Variants in GRB10 observed in about 807,000 individuals in gnomAD.
GRB10 encodes the protein growth factor receptor bound protein 10, also known as growth factor receptor-bound protein 10.
Under a neutral mutation model 80.9 loss-of-function variants are expected in GRB10, and 20 were observed. That is an observed-to-expected ratio of 0.25 (90% CI 0.17 to 0.36). The LOEUF (loss-of-function observed/expected upper bound fraction) is 0.36. Ranked by LOEUF, GRB10 falls within the 10% of genes least tolerant of loss-of-function variation. The pLI is 1.00. For missense variants in GRB10, 548 were observed against 747.7 expected (o/e 0.73, Z 3.12); for synonymous variants, 291 against 291.5 (o/e 1.00, Z 0.02).
intron 3 of GRB10, among the ~76,000 whole-genome samples, chr7:50,737,857 AC>A (rs1212867613): frequency 1.3e-5 from 2 of 152,230 alleles, no homozygotes; most frequent in Non-Finnish European, 2.9e-5. Context: ...TCAAAAACAA[AC>A]AAACAAACAA....
At chr7:50,667,783 C>T (rs1486583635) in intron 7 of GRB10, among the ~76,000 whole-genome samples, 1 of 152,154 alleles carries the variant, frequency 6.6e-6, no homozygotes, top group Non-Finnish European at 1.5e-5. Context: ...GACACCAATG[C>T]CACGTTCTCA....
chr7:50,787,090 A>C (rs1442213086), upstream of GRB10, among the ~76,000 whole-genome samples: 1 of 152,252 alleles, frequency 6.6e-6, no homozygotes, highest in African/African-American at 2.4e-5. Flanking sequence ...TACATGGCTC[A>C]GCTATGAGCA....
At chr7:50,675,645 G>A (rs182829108) in intron 5 of GRB10, among the ~76,000 whole-genome samples, 1 of 152,286 alleles carries the variant, frequency 6.6e-6, no homozygotes, top group African/African-American at 2.4e-5. Context: ...CCCTTCCCTG[G>A]ATGTCCAGCC....
At chr7:50,759,370 T>A (rs1355322702) in intron 2 of GRB10, among the ~76,000 whole-genome samples, 6 of 151,924 alleles carry the variant, frequency 3.9e-5, no homozygotes, top group African/African-American at 7.3e-5. Context: ...ACAGAAACCA[T>A]CCCACCTCAC....
At chr7:50,617,964 G>C (rs2050963524) in intron 10 of GRB10, 107 bp downstream of exon 10, 1 of 941,242 alleles carries the variant, frequency 1.1e-6, no homozygotes, top group Non-Finnish European at 1.7e-6. Context: ...GGTTATAAAT[G>C]GTGAAAGATG....
intron 14 of GRB10, 112 bp from the exon 15 acceptor site, chr7:50,605,518 T>C: frequency 5.6e-6 from 5 of 897,442 alleles, no homozygotes; most frequent in Non-Finnish European, 9.3e-6. Context: ...AATGCCTGCT[T>C]TCTACCTCTG....
At chr7:50,730,210 C>T (rs2069430575) in intron 4 of GRB10, among the ~76,000 whole-genome samples, 1 of 152,152 alleles carries the variant, frequency 6.6e-6, no homozygotes, top group African/African-American at 2.4e-5. Context: ...CCAACTGCTG[C>T]CCTCCAACAG....
intron 4 of GRB10, among the ~76,000 whole-genome samples, chr7:50,728,820 G>A (rs749348777): frequency 2.0e-5 from 3 of 152,070 alleles, no homozygotes; most frequent in South Asian, 2.1e-4. Flanking sequence ...ACAGGTGTGC[G>A]CCACCACGCC....
intron 2 of GRB10, among the ~76,000 whole-genome samples, chr7:50,763,113 G>A (rs558355042): frequency 1.2e-4 from 17 of 144,962 alleles, no homozygotes; most frequent in South Asian, 4.3e-4. Context: ...GCAAGACTCC[G>A]TCTCCAAAAA....
rs1377876461 is a variant in GRB10 at position 50,676,334 on chromosome 7, CCGG to C, written c.140-1679_140-1677del. Among the ~76,000 whole-genome samples, 3 of 46,662 alleles carry C rather than the reference CCGG, an allele frequency of 6.4e-5. No individual in the cohort carries two copies. The Admixed American group carries it at 6.6e-4, about 10-fold the overall frequency. 30.6% of individuals were successfully genotyped at this position (46,662 alleles called of 152,430 possible). A position where few individuals can be genotyped will look rare whatever the true frequency, so the allele number is the denominator to read the frequency against. ...GAGCTTAGCAATAGTGTCCACCCCA[CCGG>C]GGGGGGGGGGGGGTTGTAAGGACTA... On this transcript the variant is annotated intron_variant, in intron 5 of 18. Coordinates refer to ENST00000401949, the MANE Select transcript of GRB10 (RefSeq NM_001350814.2).
chr7:50,680,139 T>A (rs951857915), intron 5 of GRB10, among the ~76,000 whole-genome samples: 1 of 152,118 alleles, frequency 6.6e-6, no homozygotes, highest in Non-Finnish European at 1.5e-5. Context: ...CAACTCCAAA[T>A]AAAAATACAA....
At chr7:50,655,731 C>T (rs1009488686) in intron 7 of GRB10, among the ~76,000 whole-genome samples, 7 of 152,322 alleles carry the variant, frequency 4.6e-5, no homozygotes, top group Non-Finnish European at 7.4e-5. Context: ...GCCCTGGAGA[C>T]CAATCTCTTC....
At chr7:50,773,379 T>TGGGAAGGAAAG (rs1554311941) in intron 2 of GRB10, among the ~76,000 whole-genome samples, 5 of 56,348 alleles carry the variant, frequency 8.9e-5, no homozygotes, top group Non-Finnish European at 2.0e-4. Flanking sequence ...GGAAGCGGAA[T>TGGGAAGGAAAG]GGGAAGGGAA....
intron 8 of GRB10, among the ~76,000 whole-genome samples, chr7:50,619,944 G>T (rs796774686): frequency 3.3e-5 from 5 of 152,158 alleles, no homozygotes; most frequent in Non-Finnish European, 4.4e-5. Flanking sequence ...ACACATGCAC[G>T]TACGCACACG....
intron 3 of GRB10, among the ~76,000 whole-genome samples, chr7:50,750,687 G>A (rs2073984747): frequency 6.6e-6 from 1 of 152,212 alleles, no homozygotes; most frequent in South Asian, 2.1e-4. Flanking sequence ...ACAGCCTGTT[G>A]TCAATACCAG....
chr7:50,749,458 T>C (rs2073745762), intron 3 of GRB10, among the ~76,000 whole-genome samples: 1 of 152,204 alleles, frequency 6.6e-6, no homozygotes, highest in Non-Finnish European at 1.5e-5. Flanking sequence ...AATTCTTTAA[T>C]GTATAATTGT....
chr7:50,727,065 G>GT (rs1235804812), intron 4 of GRB10: 1 of 152,194 alleles, frequency 6.6e-6, no homozygotes, highest in African/African-American at 2.4e-5. Context: ...AAAAACCTCA[G>GT]TTTTCTCATT....
intron 7 of GRB10, among the ~76,000 whole-genome samples, chr7:50,662,650 T>G (rs1180132603): frequency 6.6e-6 from 1 of 152,240 alleles, no homozygotes; most frequent in Non-Finnish European, 1.5e-5. Context: ...GCCAAAGTAT[T>G]TCACCTTGTG....
intron 4 of GRB10, among the ~76,000 whole-genome samples, chr7:50,717,400 T>C (rs1272449691): frequency 6.6e-6 from 1 of 152,208 alleles, no homozygotes; most frequent in Non-Finnish European, 1.5e-5. Context: ...CATGTGCTCC[T>C]AATGCTGCCA....
Sources: allele counts gnomAD v4.1 joint callset (sites outside exome capture counted in the v4.1 genomes callset), GRCh38; gene constraint gnomAD v4.1.1; transcripts MANE v1.5; gene names NCBI Gene and HGNC (gene_info 2026-07-23, HGNC 2026-07-21).